The following CCDC192 variants were observed in gnomAD, a reference collection of about 807,000 sequenced individuals.
CCDC192 encodes coiled-coil domain containing 192.
chr5:127,798,074 ATACT>A (rs1235313055), intron 4 of CCDC192, 28 bp from the exon 5 acceptor site: 11 of 397,884 alleles, frequency 2.8e-5, no homozygotes, highest in African/African-American at 1.9e-4. Context: ...AAAGAGTTAC[ATACT>A]TAGTTTCTAA....
chr5:127,740,175 A>G (rs575254730), intron 2 of CCDC192: 2 of 152,358 alleles, frequency 1.3e-5, no homozygotes, highest in Non-Finnish European at 2.9e-5. Flanking sequence ...ATGAGGTACA[A>G]TGGTGTTCTC....
At chr5:127,914,325 G>A (rs145519725) in intron 6 of CCDC192, among the ~76,000 whole-genome samples, 107 of 152,192 alleles carry the variant, frequency 7.0e-4, no homozygotes, top group African/African-American at 2.5e-3. Context: ...AAGCTTGGGG[G>A]CCAAATATGT....
chr5:127,903,207 C>T (rs1056068581), intron 6 of CCDC192, among the ~76,000 whole-genome samples: 1 of 151,960 alleles, frequency 6.6e-6, no homozygotes, highest in Non-Finnish European at 1.5e-5. Context: ...TAGAACAATC[C>T]TGCCTAAGTT....
At chr5:127,733,797 C>A (rs1169367400) in intron 2 of CCDC192, among the ~76,000 whole-genome samples, 1 of 150,474 alleles carries the variant, frequency 6.6e-6, no homozygotes, top group African/African-American at 2.4e-5. Context: ...AGATTCCACG[C>A]TGTTTGGCAC....
In CCDC192 at chr5:127,843,029, GTT is replaced by G. The variant is rs11428874; in HGVS notation, c.412-32487_412-32486del. Among the ~76,000 whole-genome samples the G allele has an allele frequency of 9.3e-3, 854 of 91,718 alleles. 11 individuals carry two copies. The highest frequency in any genetic ancestry group is 0.034 in the African/African-American group (809 of 23,812). The allele number at this position is 91,718 out of a possible 152,430, so 60.2% of individuals were successfully genotyped here. A position where few individuals can be genotyped will look rare whatever the true frequency, so the allele number is the denominator to read the frequency against. On this transcript the variant is annotated intron_variant, in intron 5 of 6. Transcript: ENST00000514853. ...ATTTCCTGGGCTGTATTTTAGTCAA[GTT>G]TTTTTTTTTTTTTTTTTTTTTGAGA...
chr5:127,784,805 A>G, intron 3 of CCDC192: 1 of 481,374 alleles, frequency 2.1e-6, no homozygotes. Flanking sequence ...CATGATGGCC[A>G]TCTGAATCAG....
intron 5 of CCDC192, among the ~76,000 whole-genome samples, chr5:127,863,178 A>C (rs1012164185): frequency 6.6e-6 from 1 of 152,228 alleles, no homozygotes; most frequent in Non-Finnish European, 1.5e-5. Flanking sequence ...GGAAAAGGCA[A>C]GTATTGTAAT....
intron 5 of CCDC192, among the ~76,000 whole-genome samples, chr5:127,801,621 A>C (rs748232954): frequency 1.3e-5 from 2 of 152,144 alleles, no homozygotes; most frequent in South Asian, 4.2e-4. Flanking sequence ...CTCTTCATTC[A>C]AATAACTCTT....
At chr5:127,793,545 C>A (rs866468440) in intron 3 of CCDC192, among the ~76,000 whole-genome samples, 1 of 152,138 alleles carries the variant, frequency 6.6e-6, no homozygotes, top group Non-Finnish European at 1.5e-5. Flanking sequence ...TGGAGGCAGA[C>A]AAATGAGGGC....
At chr5:127,716,037 T>C (rs1751604578) in intron 2 of CCDC192, among the ~76,000 whole-genome samples, 1 of 152,200 alleles carries the variant, frequency 6.6e-6, no homozygotes, top group South Asian at 2.1e-4. Flanking sequence ...TCATATATGG[T>C]CTTTATTGTG....
chr5:127,897,051 GTCTC>G (rs1752912008), intron 6 of CCDC192, among the ~76,000 whole-genome samples: 1 of 140,346 alleles, frequency 7.1e-6, no homozygotes, highest in Non-Finnish European at 1.5e-5. Flanking sequence ...CTTCTCTAAT[GTCTC>G]TCTCTCTTTT....
chr5:127,900,214 T>C (rs1222900731), intron 6 of CCDC192, among the ~76,000 whole-genome samples: 1 of 152,210 alleles, frequency 6.6e-6, no homozygotes, highest in East Asian at 1.9e-4. Flanking sequence ...TGAAAAAAAA[T>C]ATGGAAATCC....
chr5:127,806,770 T>A (rs1757809698), intron 5 of CCDC192, among the ~76,000 whole-genome samples: 1 of 152,172 alleles, frequency 6.6e-6, no homozygotes, highest in African/African-American at 2.4e-5. Context: ...GAACTCATCC[T>A]TTACTATTAC....
At chr5:127,741,259 C>T (rs1403864606) in intron 2 of CCDC192, among the ~76,000 whole-genome samples, 1 of 152,060 alleles carries the variant, frequency 6.6e-6, no homozygotes, top group South Asian at 2.1e-4. Flanking sequence ...GACGAGGTCT[C>T]ACCATGTTGC....
At chr5:127,848,487 T>C (rs1428630201) in intron 5 of CCDC192, among the ~76,000 whole-genome samples, 4 of 152,192 alleles carry the variant, frequency 2.6e-5, no homozygotes, top group African/African-American at 9.7e-5. Context: ...GTAACTTTCC[T>C]TATTGAAGCC....
At chr5:127,919,057 ATGTGTGTGTG>A (rs1004258407) in intron 6 of CCDC192, among the ~76,000 whole-genome samples, 1 of 138,122 alleles carries the variant, frequency 7.2e-6, no homozygotes, top group African/African-American at 2.9e-5. Context: ...CTGTGTGTGT[ATGTGTGTGTG>A]TATATATGTG....
At chr5:127,879,792 C>T (rs1752272479) in intron 6 of CCDC192, among the ~76,000 whole-genome samples, 1 of 123,788 alleles carries the variant, frequency 8.1e-6, no homozygotes, top group South Asian at 3.2e-4. Context: ...TGAACAGACA[C>T]TTCTCAAAAG....
In CCDC192 at chr5:127,885,157, T is replaced by A. The variant is rs537939377; in HGVS notation, c.535+9496T>A. Among the ~76,000 whole-genome samples the A allele has an allele frequency of 1.2e-4, 18 of 151,470 alleles. 1 individual carries two copies. In the South Asian group the frequency reaches 3.4e-3, roughly 28 times the overall value. ...CTTCTTCCCTCTGTATCCAGAGAGG[T>A]TGGATGAAGGGCAAGCACCAGCTAA... is the stretch of plus-strand genomic sequence containing the variant. On this transcript the variant is annotated intron_variant, in intron 6 of 6. Transcript: ENST00000514853.
At chr5:127,918,142 A>G (rs1420479102) in intron 6 of CCDC192, among the ~76,000 whole-genome samples, 2 of 151,888 alleles carry the variant, frequency 1.3e-5, no homozygotes, top group Non-Finnish European at 2.9e-5. Context: ...CTCAAAAGCA[A>G]AAAACAAAAC....
Sources: allele counts gnomAD v4.1 joint callset (sites outside exome capture counted in the v4.1 genomes callset), GRCh38; gene constraint gnomAD v4.1.1; transcripts MANE v1.5; gene names NCBI Gene and HGNC (gene_info 2026-07-23, HGNC 2026-07-21).